LARGE1: variants seen among roughly 807,000 people sequenced by gnomAD.
LARGE1 encodes the protein xylosyl- and glucuronyltransferase LARGE1.
Under a neutral mutation model 87.6 loss-of-function variants are expected in LARGE1, and 43 were observed. The observed-to-expected ratio is 0.49, with a 90% CI of 0.38 to 0.63. The LOEUF is 0.63. Among genes scored for constraint, LARGE1 ranks in the 30% least tolerant of loss-of-function variants. The pLI is 0.00. For synonymous variants in LARGE1, 434 were observed against 394.6 expected (o/e 1.10, Z -1.18); for missense variants, 802 against 1,000.2 (o/e 0.80, Z 2.67).
At chr22:33,655,096 T>C (rs1291518431) in intron 2 of LARGE1, among the ~76,000 whole-genome samples, 1 of 152,206 alleles carries the variant, frequency 6.6e-6, no homozygotes, top group Non-Finnish European at 1.5e-5. Flanking sequence ...TTTGAGGATA[T>C]GGTTAATTTT....
chr22:33,798,250 G>A (rs758046360), intron 1 of LARGE1, among the ~76,000 whole-genome samples: 2 of 152,086 alleles, frequency 1.3e-5, no homozygotes, highest in Non-Finnish European at 2.9e-5. Context: ...AGATCTGGCC[G>A]TTACACTCCA....
At chr22:33,069,476 C>G in the LARGE1 span, among the ~76,000 whole-genome samples, 5 of 152,252 alleles carry the variant, frequency 3.3e-5, no homozygotes, top group East Asian at 9.7e-4. Context: ...AACTGGGCTG[C>G]CTGGGCTCAA....
intron 5 of LARGE1, among the ~76,000 whole-genome samples, chr22:33,585,649 C>T (rs2078650176): frequency 6.6e-6 from 1 of 152,182 alleles, no homozygotes; most frequent in Non-Finnish European, 1.5e-5. Flanking sequence ...ACTCTTGGAA[C>T]TGCCAATCGA....
At chr22:33,326,966 GACT>G (rs562181697) in intron 10 of LARGE1, among the ~76,000 whole-genome samples, 1 of 152,162 alleles carries the variant, frequency 6.6e-6, no homozygotes, top group Non-Finnish European at 1.5e-5. Context: ...GTCCTTTGGA[GACT>G]GGCCTTGAGC....
At chr22:33,566,485 G>A (rs1050503654) in intron 5 of LARGE1, among the ~76,000 whole-genome samples, 8 of 152,214 alleles carry the variant, frequency 5.3e-5, no homozygotes, top group African/African-American at 1.4e-4. Context: ...CTTCCGGGGG[G>A]TTCTTGGTCT....
chr22:33,236,588 G>A (rs141068092), intron 11 of LARGE1, among the ~76,000 whole-genome samples: 38 of 152,174 alleles, frequency 2.5e-4, no homozygotes, highest in East Asian at 1.4e-3. Context: ...GATTTTTTCC[G>A]CCAGACTGAA....
chr22:33,783,434 G>A (rs1022747909), intron 1 of LARGE1, among the ~76,000 whole-genome samples: 63 of 152,040 alleles, frequency 4.1e-4, no homozygotes, highest in African/African-American at 1.3e-3. Flanking sequence ...GCATGGTGGC[G>A]GGTGCCTGTA....
rs186543481 is a variant in LARGE1, at chr22:33,341,959, A to G, written c.1132-4158T>C. Among the ~76,000 whole-genome samples the G allele has an allele frequency of 2.0e-5, 3 of 152,136 alleles. No individual in the cohort carries two copies. The East Asian group carries it at 5.8e-4, about 29-fold the overall frequency. ...TGCCGCCATCAGTCAGAAAGCAAGC[A>G]CTCCGCATTCAGGAGAGTAGAGACG... On this transcript the variant is annotated intron_variant, in intron 9 of 14. Transcript: ENST00000397394.
the LARGE1 span, among the ~76,000 whole-genome samples, chr22:33,120,870 G>A: frequency 2.6e-4 from 40 of 151,968 alleles, no homozygotes; most frequent in Middle Eastern, 3.4e-3. Flanking sequence ...CCTGTAAACC[G>A]CTCAATACCA....
the LARGE1 span, among the ~76,000 whole-genome samples, chr22:33,139,838 G>T: frequency 6.6e-6 from 1 of 152,208 alleles, no homozygotes; most frequent in Non-Finnish European, 1.5e-5. Context: ...TTTGGGGAAA[G>T]AAATGACCTT....
the LARGE1 span, among the ~76,000 whole-genome samples, chr22:33,144,735 A>G: frequency 6.6e-6 from 1 of 152,208 alleles, no homozygotes; most frequent in Non-Finnish European, 1.5e-5. Context: ...TCACCACCCA[A>G]GAAGTATTCA....
chr22:33,680,466 G>T (rs956244841), intron 2 of LARGE1, among the ~76,000 whole-genome samples: 1 of 149,144 alleles, frequency 6.7e-6, no homozygotes, highest in Non-Finnish European at 1.5e-5. Context: ...AGAATGGGGT[G>T]GGGGGCAGAA....
intron 6 of LARGE1, among the ~76,000 whole-genome samples, chr22:33,473,410 C>T (rs2068937450): frequency 6.6e-6 from 1 of 152,136 alleles, no homozygotes; most frequent in Admixed American, 6.5e-5. Flanking sequence ...AGTGCAGTGG[C>T]ACTATCTCGG....
intron 11 of LARGE1, among the ~76,000 whole-genome samples, chr22:33,305,849 T>C (rs1934820794): frequency 6.7e-6 from 1 of 149,970 alleles, no homozygotes; most frequent in Non-Finnish European, 1.5e-5. Context: ...TTTTTCTTTT[T>C]TTTTTTTTTG....
At chr22:33,800,806 G>A (rs893502620) in intron 1 of LARGE1, among the ~76,000 whole-genome samples, 1 of 151,958 alleles carries the variant, frequency 6.6e-6, no homozygotes, top group African/African-American at 2.4e-5. Flanking sequence ...AGGACTTTGG[G>A]GTAGTTTATA....
At chr22:33,097,386 T>C in the LARGE1 span, among the ~76,000 whole-genome samples, 2 of 152,212 alleles carry the variant, frequency 1.3e-5, no homozygotes, top group Non-Finnish European at 2.9e-5. Flanking sequence ...TGGAGTCCTC[T>C]TCACCAGACA....
At chr22:33,073,159 A>G in the LARGE1 span, among the ~76,000 whole-genome samples, 1 of 152,196 alleles carries the variant, frequency 6.6e-6, no homozygotes, top group Non-Finnish European at 1.5e-5. Flanking sequence ...ATTTCTGTTC[A>G]GGAAAAGACA....
intron 7 of LARGE1, among the ~76,000 whole-genome samples, chr22:33,425,894 G>T (rs550197132): frequency 4.6e-5 from 7 of 152,192 alleles, no homozygotes; most frequent in African/African-American, 1.4e-4. Flanking sequence ...GTGCCACCAT[G>T]ACCGGCTAAT....
At chr22:33,171,190 T>C (rs1229535553) in intron 11 of LARGE1, among the ~76,000 whole-genome samples, 1 of 152,220 alleles carries the variant, frequency 6.6e-6, no homozygotes, top group Non-Finnish European at 1.5e-5. Context: ...GCATTCAAGA[T>C]GTGACCTGGC....
Sources: allele counts gnomAD v4.1 joint callset (sites outside exome capture counted in the v4.1 genomes callset), GRCh38; gene constraint gnomAD v4.1.1; transcripts MANE v1.5; gene names NCBI Gene and HGNC (gene_info 2026-07-23, HGNC 2026-07-21).